VPS52: variants seen among roughly 807,000 people sequenced by gnomAD.
VPS52 encodes vacuolar protein sorting-associated protein 52 homolog.
Under a neutral mutation model 98.7 loss-of-function variants are expected in VPS52, and 56 were observed. That is an observed-to-expected ratio of 0.57 (90% confidence interval 0.46 to 0.71). The LOEUF (loss-of-function observed/expected upper bound fraction) is 0.71. Ranked by LOEUF, VPS52 falls within the 30% of genes least tolerant of loss-of-function variation. VPS52 has a pLI of 0.00. For synonymous variants in VPS52, 348 were observed against 346.4 expected (o/e 1.00, Z -0.05); for missense variants, 742 against 925.9 (o/e 0.80, Z 2.58).
At chr6:33,265,369 C>T (rs560640352) in intron 12 of VPS52, among the ~76,000 whole-genome samples, 3 of 152,206 alleles carry the variant, frequency 2.0e-5, no homozygotes, top group East Asian at 3.9e-4. Flanking sequence ...AGCCACTGCA[C>T]CCGGTGTTTT....
intron 19 of VPS52, 54 bp from the exon 20 acceptor site, chr6:33,251,041 T>C: frequency 6.2e-7 from 1 of 1,611,884 alleles, no homozygotes; most frequent in Non-Finnish European, 8.5e-7. Context: ...CTAATAGTGA[T>C]GATTAAGAAT....
Position 33,269,830 on chromosome 6 carries a change from A to G in VPS52, c.229-11T>C. On this transcript the variant is annotated splice_polypyrimidine_tract_variant and intron_variant, in intron 3 of 19. Coordinates refer to ENST00000445902, the MANE Select transcript of VPS52 (RefSeq NM_022553.6). The stretch of plus-strand genomic sequence containing the variant: ...ACGGAGATCTACACCCTGGGAGAAC[A>G]TAAAGATGACAGGTCAGAAGGAAGT... 2 of 1,613,286 alleles carry G rather than the reference A, an allele frequency of 1.2e-6. No homozygotes were observed. Among genetic ancestry groups the G allele is most frequent in the African/African-American group, 1.3e-5 (1 of 75,028 alleles).
At chr6:33,259,138 C>A (rs1465998646) in intron 17 of VPS52, among the ~76,000 whole-genome samples, 1 of 152,168 alleles carries the variant, frequency 6.6e-6, no homozygotes, top group African/African-American at 2.4e-5. Flanking sequence ...GTGAGACTCG[C>A]ATTTATTCAG....
chr6:33,271,204 T>C (rs1302218653), intron 1 of VPS52: 2 of 594,326 alleles, frequency 3.4e-6, no homozygotes, highest in Admixed American at 6.0e-5. Context: ...ATAGGTTCTA[T>C]CTTCCTCACC....
intron 12 of VPS52, among the ~76,000 whole-genome samples, chr6:33,265,762 C>A (rs911714675): frequency 2.0e-5 from 3 of 152,126 alleles, no homozygotes; most frequent in Non-Finnish European, 4.4e-5. Flanking sequence ...GGGGGACCCT[C>A]AGTTTTCACG....
intron 17 of VPS52, among the ~76,000 whole-genome samples, chr6:33,263,261 C>T (rs1190116117): frequency 8.8e-6 from 1 of 113,680 alleles, no homozygotes; most frequent in Non-Finnish European, 1.7e-5. Context: ...GACACTTTGC[C>T]TCAAAAAAAA....
At chr6:33,261,049 G>A (rs1005581185) in intron 17 of VPS52, among the ~76,000 whole-genome samples, 8 of 151,380 alleles carry the variant, frequency 5.3e-5, no homozygotes, top group African/African-American at 1.7e-4. Context: ...AGTAATTCAA[G>A]ACCAGCCCAG....
At position 33,269,153 on chromosome 6, in the gene VPS52, G is replaced by A; in HGVS notation, c.409C>T (p.Leu137Phe). The A allele has an allele frequency of 6.2e-7, 1 of 1,613,034 alleles. No homozygotes were observed. The change falls in exon 6 of 20, where the codon CTC (leucine) becomes TTC (phenylalanine). Residue 137 changes from leucine (L) to phenylalanine (F), a missense_variant. Leu to Phe is a conservative substitution (Grantham distance 22). Transcript: ENST00000445902. ...EQMLGAFQSD[L>F]SSISSEIRTL... ...CGGATCTCAGAGCTGATGGAGCTGA[G>A]GTCACTCTGAAAAGCTCCCAACATC...
At chr6:33,270,363 C>A in intron 1 of VPS52, 80 bp from the exon 2 acceptor site, 1 of 1,364,398 alleles carries the variant, frequency 7.3e-7, no homozygotes, top group Non-Finnish European at 1.0e-6. Flanking sequence ...CCCAGTCCTT[C>A]AAGTGAGAAG....
chr6:33,267,178 C>T lies in VPS52; in HGVS notation c.1125+10G>A, dbSNP rs1562568515. On this transcript the variant is annotated intron_variant, in intron 11 of 19. Transcript: ENST00000445902. The surrounding 1 kb of genome is among the most constrained non-coding windows in gnomAD (Gnocchi z 4.2). Reference sequence around the variant, plus strand: ...CCTCTTTCGTGACTGAAGCTTGTTCCTCCTCATACCCTCTGCTCTCCGCGC... The same window carrying T: ...CCTCTTTCGTGACTGAAGCTTGTTCTTCCTCATACCCTCTGCTCTCCGCGC... The T allele has an allele frequency of 1.4e-6, 2 of 1,480,388 alleles. No individual in the cohort carries two copies. Among genetic ancestry groups the T allele is most frequent in the East Asian group, 2.4e-5 (1 of 41,492 alleles). 91.7% of individuals were successfully genotyped at this position (1,480,388 alleles called of 1,614,324 possible). A position where few individuals can be genotyped will look rare whatever the true frequency, so the allele number is the denominator to read the frequency against.
intron 17 of VPS52, among the ~76,000 whole-genome samples, chr6:33,255,973 G>C (rs1347012747): frequency 6.6e-6 from 1 of 151,984 alleles, no homozygotes; most frequent in African/African-American, 2.4e-5. Flanking sequence ...TATGAAAAGG[G>C]TTCTCACTAT....
At chr6:33,254,378 CAAGG>C (rs1360310845) in intron 17 of VPS52, among the ~76,000 whole-genome samples, 2 of 152,158 alleles carry the variant, frequency 1.3e-5, no homozygotes, top group Admixed American at 6.5e-5. Context: ...TAATATGCTG[CAAGG>C]AAGGATCTTT....
At position 33,250,982 on chromosome 6, in the gene VPS52, C is replaced by T. The variant is rs773697189; in HGVS notation, c.2031G>A (p.Ala677=). The T allele has an allele frequency of 1.3e-5, 21 of 1,612,906 alleles. No homozygotes were observed. Among genetic ancestry groups the T allele is most frequent in the Middle Eastern group, 3.3e-4 (2 of 6,076 alleles). Residue 677 remains alanine (A), a synonymous_variant, in exon 20 of 20, where the codon GCG becomes GCA. Coordinates refer to ENST00000445902, the MANE Select transcript of VPS52 (RefSeq NM_022553.6). ...FRNGTSIIQG[A]LTQLIQLYHR... ...GATAGAGCTGGATCAGCTGGGTCAG[C>T]GCTCCCTGGTCAAAGAAAGTCATTG...
chr6:33,271,844 C>G lies in VPS52; in HGVS notation c.-169G>C, dbSNP rs1383252725. ...CAGCTCTAACCACTTCACCCAACTG[C>G]AAATGGAAATATGGAAGTCTGAAAC... On this transcript the variant is annotated 5_prime_UTR_variant, in exon 1 of 20. Transcript: ENST00000445902. The G allele has an allele frequency of 5.1e-6, 7 of 1,382,404 alleles. No individual in the cohort carries two copies. Among genetic ancestry groups the G allele is most frequent in the Non-Finnish European group, 6.7e-6 (7 of 1,046,426 alleles). 85.6% of individuals were successfully genotyped at this position (1,382,404 alleles called of 1,614,324 possible). A position where few individuals can be genotyped will look rare whatever the true frequency, so the allele number is the denominator to read the frequency against.
rs369086552 is a variant in VPS52, at chr6:33,270,279, C to T, written c.95G>A (p.Gly32Asp). ...DMEEEEGPLA[G>D]GPGLQEPLQL... is the part of the protein sequence containing the mutation. ...CAGTGGTTCCTGGAGCCCAGGACCA[C>T]CCGCCTGGAAAGGGATAAGTTAATG... Residue 32 changes from glycine to aspartate, a missense_variant, in exon 2 of 20, where the codon GGT becomes GAT. By Grantham distance (94) the Gly-to-Asp change is moderately conservative. Around this residue, in one of 2 missense-constraint regions of VPS52, gnomAD observed 152 missense variants for 132.6 expected, o/e 1.15. Coordinates refer to ENST00000445902, the MANE Select transcript of VPS52 (RefSeq NM_022553.6). 5.0e-6 allele frequency: 8 copies of T among 1,610,872 alleles called. No homozygotes were observed. The African/African-American group carries it at 1.1e-4, about 22-fold the overall frequency.
At chr6:33,258,274 C>A (rs1302776617) in intron 17 of VPS52, among the ~76,000 whole-genome samples, 1 of 151,410 alleles carries the variant, frequency 6.6e-6, no homozygotes, top group Non-Finnish European at 1.5e-5. Flanking sequence ...GTAATCCCAG[C>A]TACTCAGGAG....
chr6:33,251,708 T>C (rs1314691471), intron 18 of VPS52, 72 bp from the exon 19 acceptor site: 7 of 1,430,102 alleles, frequency 4.9e-6, no homozygotes, highest in African/African-American at 1.4e-5. Flanking sequence ...CTCCCCAAGG[T>C]ATAGCCATCC....
In VPS52 at chr6:33,266,547, G is replaced by A; in HGVS notation, c.1281+10C>T. 1 of 1,593,662 alleles carries A rather than the reference G, an allele frequency of 6.3e-7. No homozygotes were observed. Among genetic ancestry groups the A allele is most frequent in the Non-Finnish European group, 8.6e-7 (1 of 1,168,764 alleles). On this transcript the variant is annotated intron_variant, in intron 12 of 19. Transcript: ENST00000445902. ...AAGGTGTTGAATGGTACAGGAAACA[G>A]GAGTCTTACCAGGGTCATGCTGAGT...
At chr6:33,257,207 T>A (rs1305250446) in intron 17 of VPS52, among the ~76,000 whole-genome samples, 1 of 152,004 alleles carries the variant, frequency 6.6e-6, no homozygotes, top group African/African-American at 2.4e-5. Flanking sequence ...TATATTTTTT[T>A]AATTTTTTGT....
Sources: gnomAD v4.1 joint callset for allele counts (sites outside exome capture counted in the v4.1 genomes callset) on GRCh38, gnomAD v4.1.1 for gene constraint, gnomAD v4.1.1 regional missense constraint, Gnocchi (gnomAD v3.1) non-coding constraint, MANE v1.5 for transcripts, NCBI Gene and HGNC (gene_info 2026-07-23, HGNC 2026-07-21) for gene names.